The following ERFE variants were observed in gnomAD, a reference collection of about 807,000 sequenced individuals.
ERFE encodes the protein complement C1q tumor necrosis factor-related protein 15.
In ERFE, 25 loss-of-function variants were observed where a neutral mutation model predicts 26.6. That is an observed-to-expected ratio of 0.94 (90% CI 0.69 to 1.31). ERFE has a LOEUF of 1.31. ERFE is among the 40% of genes most tolerant of loss of function. ERFE has a pLI of 0.00. For synonymous variants in ERFE, 206 were observed against 204.5 expected (o/e 1.01, Z -0.06); for missense variants, 447 against 440.2 (o/e 1.02, Z -0.14).
rs995201435 is a variant in ERFE at position 238,168,305 on chromosome 2, G to A, written c.*1251G>A. The A allele has an allele frequency of 2.7e-5, 12 of 446,182 alleles. No individual in the cohort carries two copies. The highest frequency in any genetic ancestry group is 1.4e-4 in the East Asian group (2 of 14,310). The allele number at this position is 446,182 out of a possible 1,614,324, so 27.6% of individuals were successfully genotyped here. ...AGGTAGTGAAGAGGACAAGGCCCTC[G>A]GCAGCGACCTCCAGGGCCTCCTACC... On this transcript the variant is annotated 3_prime_UTR_variant, in exon 8 of 8. Coordinates refer to ENST00000546354, the MANE Select transcript of ERFE (RefSeq NM_001291832.2).
At position 238,168,174 on chromosome 2, in the gene ERFE, G is replaced by T. The variant is rs947435031; in HGVS notation, c.*1120G>T. 2.9e-5 allele frequency: 9 copies of T among 308,028 alleles called. No individual in the cohort carries two copies. The highest frequency in any genetic ancestry group is 1.4e-4 in the Admixed American group (3 of 21,156). The allele number at this position is 308,028 out of a possible 1,614,324, so 19.1% of individuals were successfully genotyped here. A position where few individuals can be genotyped will look rare whatever the true frequency, so the allele number is the denominator to read the frequency against. On this transcript the variant is annotated 3_prime_UTR_variant, in exon 8 of 8. Transcript: ENST00000546354. ...TGCTCCTGTGGCAGTGATGGGGCCT[G>T]GGGATGGGGACGGCAGCTCTCATGA...
Position 238,163,765 on chromosome 2 carries a change from G to A in ERFE, c.453G>A (p.Glu151=). 3 of 1,365,554 alleles carry A rather than the reference G, an allele frequency of 2.2e-6. No homozygotes were observed. Among genetic ancestry groups the A allele is most frequent in the Non-Finnish European group, 2.8e-6 (3 of 1,063,900 alleles). The allele number at this position is 1,365,554 out of a possible 1,614,324, so 84.6% of individuals were successfully genotyped here. Residue 151 remains glutamate, a synonymous_variant, in exon 4 of 8, where the codon GAG becomes GAA. Coordinates refer to ENST00000546354, the MANE Select transcript of ERFE (RefSeq NM_001291832.2). ...CGGTGCGGCAGCGGGAGCGCGCGGAGCCCGAACCCTGTACGTGTGGCCCCG... is the reference window on the plus strand; with the variant it reads ...CGGTGCGGCAGCGGGAGCGCGCGGAACCCGAACCCTGTACGTGTGGCCCCG... ...KGAVRQRERA[E]PEPCTCGPAG...
intron 1 of ERFE, among the ~76,000 whole-genome samples, chr2:238,159,995 G>A (rs1040300488): frequency 3.3e-5 from 5 of 152,200 alleles, no homozygotes; most frequent in Non-Finnish European, 7.4e-5. Flanking sequence ...GGGTCCCCCA[G>A]AGTTCTCTAT....
intron 6 of ERFE, 128 bp from the exon 7 acceptor site, chr2:238,165,478 A>G (rs1055213816): frequency 1.4e-6 from 1 of 715,766 alleles, no homozygotes; most frequent in Admixed American, 2.2e-5. Context: ...CACCACCTCC[A>G]CTGGAAGACC....
Position 238,167,026 on chromosome 2 carries a change from A to G in ERFE, c.1037A>G (p.His346Arg), listed in dbSNP as rs1203253396. 11 of 1,550,342 alleles carry G rather than the reference A, an allele frequency of 7.1e-6. No homozygotes were observed. The highest frequency in any genetic ancestry group is 4.9e-5 in the East Asian group (2 of 40,934). The change falls in exon 8 of 8, where the codon CAC becomes CGC. Residue 346 changes from histidine (H) to arginine (R), a missense_variant. Physicochemically the swap from His to Arg is conservative, Grantham distance 29. Transcript: ENST00000546354. ...TCCCTCACAGTGCGCAGTGGCTCCC[A>G]CTTCAGTGCTGTCCTCCTGGGCGTG... ...GCSLTVRSGS[H>R]FSAVLLGV
At chr2:238,160,862 A>T (rs1456501000) in intron 1 of ERFE, among the ~76,000 whole-genome samples, 1 of 152,176 alleles carries the variant, frequency 6.6e-6, no homozygotes, top group Non-Finnish European at 1.5e-5. Context: ...CCTGGAGCCC[A>T]GATAGCCCAA....
chr2:238,159,572 C>T (rs1242285585), intron 1 of ERFE, among the ~76,000 whole-genome samples: 1 of 152,222 alleles, frequency 6.6e-6, no homozygotes, highest in Non-Finnish European at 1.5e-5. Context: ...TGCCACCGCC[C>T]CCAATCTATT....
chr2:238,165,490 G>A, intron 6 of ERFE, 116 bp from the exon 7 acceptor site: 2 of 828,232 alleles, frequency 2.4e-6, no homozygotes, highest in South Asian at 3.3e-5. Flanking sequence ...TGGAAGACCT[G>A]GCCAGGGTCA....
chr2:238,168,257 A>C lies in ERFE; in HGVS notation c.*1203A>C. The C allele has an allele frequency of 2.8e-6, 1 of 351,332 alleles. No homozygotes were observed. Among genetic ancestry groups the C allele is most frequent in the South Asian group, 2.3e-5 (1 of 44,154 alleles). The allele number at this position is 351,332 out of a possible 1,614,324, so 21.8% of individuals were successfully genotyped here. A position where few individuals can be genotyped will look rare whatever the true frequency, so the allele number is the denominator to read the frequency against. On this transcript the variant is annotated 3_prime_UTR_variant, in exon 8 of 8. Coordinates refer to ENST00000546354, the MANE Select transcript of ERFE (RefSeq NM_001291832.2). ...AAATGTAGCCTCCCACATTTTCCCC[A>C]AAGTACAGGACTGTCCCAGAGTAGG...
rs1301181925 is a variant in ERFE at position 238,167,152 on chromosome 2, G to C, written c.*98G>C. Reference sequence around the variant, plus strand: ...GTAGCAGTGGCCACATGGAGGAGGAGGCCCACCCGGAACTCTGCCCACACT... The same window carrying C: ...GTAGCAGTGGCCACATGGAGGAGGACGCCCACCCGGAACTCTGCCCACACT... On this transcript the variant is annotated 3_prime_UTR_variant, in exon 8 of 8. Transcript: ENST00000546354. 3 of 1,274,574 alleles carry C rather than the reference G, an allele frequency of 2.4e-6. No individual in the cohort carries two copies. The highest frequency in any genetic ancestry group is 1.3e-5 in the South Asian group (1 of 78,908). 79.0% of individuals were successfully genotyped at this position (1,274,574 alleles called of 1,614,324 possible). A position where few individuals can be genotyped will look rare whatever the true frequency, so the allele number is the denominator to read the frequency against.
chr2:238,163,642 C>A, intron 3 of ERFE, 95 bp from the exon 4 acceptor site: 7 of 1,214,206 alleles, frequency 5.8e-6, no homozygotes, highest in Non-Finnish European at 7.2e-6. Flanking sequence ...CCCGGCAGGC[C>A]CCTGGTCTCG....
rs1693068432 is a variant in ERFE, at chr2:238,167,735, A to AT, written c.*683dup. 3.3e-6 allele frequency: 1 copy of AT among 305,600 alleles called. No homozygotes were observed. Among genetic ancestry groups the AT allele is most frequent in the Non-Finnish European group, 6.5e-6 (1 of 154,364 alleles). 18.9% of individuals were successfully genotyped at this position (305,600 alleles called of 1,614,324 possible). Reference sequence around the variant, plus strand: ...AGCTTCTAGTTCTAATGTGTGCAAGATTAACTCACAAATTCACCTCAGAAG... The same window carrying AT: ...AGCTTCTAGTTCTAATGTGTGCAAGATTTAACTCACAAATTCACCTCAGAAG... On this transcript the variant is annotated 3_prime_UTR_variant, in exon 8 of 8. Coordinates refer to ENST00000546354, the MANE Select transcript of ERFE (RefSeq NM_001291832.2).
intron 6 of ERFE, 29 bp from the exon 7 acceptor site, chr2:238,165,577 G>A: frequency 1.3e-6 from 2 of 1,532,200 alleles, no homozygotes; most frequent in Non-Finnish European, 1.8e-6. Flanking sequence ...TCATGGGGCA[G>A]GCTGACCCTC....
intron 6 of ERFE, 146 bp from the exon 7 acceptor site, chr2:238,165,459 CG>C: frequency 1.6e-6 from 1 of 636,854 alleles, no homozygotes; most frequent in East Asian, 2.8e-5. Context: ...CTTGGGGACT[CG>C]GTTCAGACAC....
intron 2 of ERFE, among the ~76,000 whole-genome samples, chr2:238,162,171 C>T (rs1464451237): frequency 1.3e-5 from 2 of 152,224 alleles, no homozygotes; most frequent in Non-Finnish European, 2.9e-5. Flanking sequence ...GGGGTGTGGG[C>T]TTCTCTGTCC....
At chr2:238,165,503 C>A in intron 6 of ERFE, 103 bp from the exon 7 acceptor site, 1 of 962,786 alleles carries the variant, frequency 1.0e-6, no homozygotes, top group Non-Finnish European at 1.6e-6. Context: ...CAGGGTCAGG[C>A]ACTTTGCTGG....
chr2:238,165,467 A>T, intron 6 of ERFE, 139 bp from the exon 7 acceptor site: 1 of 674,628 alleles, frequency 1.5e-6, no homozygotes, highest in Admixed American at 2.2e-5. Context: ...CTCGGTTCAG[A>T]CACCACCTCC....
At chr2:238,159,367 G>A (rs1692904866) in intron 1 of ERFE, among the ~76,000 whole-genome samples, 162 bp downstream of exon 1, 1 of 152,078 alleles carries the variant, frequency 6.6e-6, no homozygotes, top group Non-Finnish European at 1.5e-5. Context: ...GGGCCGTGTA[G>A]ACGCCGCCCT....
In ERFE at chr2:238,164,365, G is replaced by C; in HGVS notation, c.887+5G>C. ...GTCCCGGTGCCAGCGCAACGCGTGA[G>C]TGTACCCCGGCCCGGACCCCACACC... On this transcript the variant is annotated splice_donor_5th_base_variant and intron_variant, in intron 6 of 7. Transcript: ENST00000546354. 1 of 1,542,970 alleles carries C rather than the reference G, an allele frequency of 6.5e-7. No individual in the cohort carries two copies. Among genetic ancestry groups the C allele is most frequent in the Non-Finnish European group, 8.7e-7 (1 of 1,145,646 alleles).
Sources: allele counts gnomAD v4.1 joint callset (sites outside exome capture counted in the v4.1 genomes callset), GRCh38; gene constraint gnomAD v4.1.1; transcripts MANE v1.5; gene names NCBI Gene and HGNC (gene_info 2026-07-23, HGNC 2026-07-21).